The following GPAT4 variants were observed in gnomAD, a reference collection of about 807,000 sequenced individuals.
GPAT4 encodes the protein glycerol-3-phosphate acyltransferase 4.
GPAT4 carries 17 observed loss-of-function variants against 58.0 expected under a neutral mutation model. The ratio of observed to expected loss-of-function variants is 0.29; its 90% CI spans 0.20 to 0.44. The LOEUF is 0.44. Among genes scored for constraint, GPAT4 ranks in the 20% least tolerant of loss-of-function variants. The pLI, the probability that GPAT4 is intolerant of heterozygous loss-of-function variation, is 1.00. For synonymous variants in GPAT4, 204 were observed against 210.1 expected, an observed-to-expected ratio of 0.97 and a Z score of 0.25; for missense variants, 377 against 574.5, an observed-to-expected ratio of 0.66 and a Z score of 3.51.
chr8:41,620,121 G>C (rs1433844084), intron 12 of GPAT4, among the ~76,000 whole-genome samples: 1 of 152,212 alleles, frequency 6.6e-6, no homozygotes, highest in African/African-American at 2.4e-5. Flanking sequence ...CAGAGTGGCT[G>C]CTTTTAAAAT....
intron 9 of GPAT4, 61 bp from the exon 10 acceptor site, chr8:41,614,902 C>T (rs1380087065): frequency 3.3e-5 from 46 of 1,374,052 alleles, no homozygotes; most frequent in South Asian, 2.3e-4. Context: ...CTTTAAGAAA[C>T]GCCTAATATC....
chr8:41,613,502 G>A (rs1803504181), intron 8 of GPAT4, among the ~76,000 whole-genome samples: 1 of 151,934 alleles, frequency 6.6e-6, no homozygotes, highest in Admixed American at 6.6e-5. Context: ...ACTGCTATTT[G>A]AAACCTCAAA....
chr8:41,593,477 G>A (rs547649981), intron 1 of GPAT4, among the ~76,000 whole-genome samples: 3 of 152,312 alleles, frequency 2.0e-5, no homozygotes, highest in African/African-American at 7.2e-5. Flanking sequence ...AAAATTTAAG[G>A]AAAATAAGTC....
chr8:41,594,631 C>T (rs1004074576), intron 1 of GPAT4, among the ~76,000 whole-genome samples: 4 of 150,158 alleles, frequency 2.7e-5, no homozygotes, highest in East Asian at 2.0e-4. Context: ...CTGCAAGCTC[C>T]GCCTCCCGGG....
chr8:41,615,674 C>G (rs1237416330), intron 10 of GPAT4, among the ~76,000 whole-genome samples: 2 of 152,202 alleles, frequency 1.3e-5, no homozygotes, highest in African/African-American at 4.8e-5. Context: ...CGCTCTTACC[C>G]TCTTCACATC....
intron 12 of GPAT4, among the ~76,000 whole-genome samples, chr8:41,619,644 G>T (rs1233810413): frequency 2.5e-4 from 38 of 152,242 alleles, no homozygotes; most frequent in Non-Finnish European, 1.5e-5. Flanking sequence ...AACAGTAGGA[G>T]ACTGACAGGG....
At position 41,599,137 on chromosome 8, in the gene GPAT4, A is replaced by G. The variant is rs2150492275; in HGVS notation, c.-3A>G. Reference sequence around the variant, plus strand: ...GGTGCTGGCCTGGCCTGGATCTTCCACCATGTTCCTGTTGCTGCCTTTTGA... The same window carrying G: ...GGTGCTGGCCTGGCCTGGATCTTCCGCCATGTTCCTGTTGCTGCCTTTTGA... On this transcript the variant is annotated 5_prime_UTR_variant, in exon 2 of 13. Coordinates refer to ENST00000396987, the MANE Select transcript of GPAT4 (RefSeq NM_178819.4). 6.2e-7 allele frequency: 1 copy of G among 1,610,472 alleles called. No homozygotes were observed. Among genetic ancestry groups the G allele is most frequent in the African/African-American group, 1.3e-5 (1 of 74,630 alleles).
chr8:41,584,047 C>T (rs1802591725), intron 1 of GPAT4, among the ~76,000 whole-genome samples: 1 of 152,162 alleles, frequency 6.6e-6, no homozygotes, highest in Non-Finnish European at 1.5e-5. Flanking sequence ...CAGGAATGCA[C>T]CACCACGCCC....
chr8:41,605,206 C>T lies in GPAT4; in HGVS notation c.166-4210C>T, dbSNP rs563705938. On this transcript the variant is annotated intron_variant, in intron 2 of 12. Coordinates refer to ENST00000396987, the MANE Select transcript of GPAT4 (RefSeq NM_178819.4). ...GCTGAAATGCACATAGGGGTAAGTT[C>T]TGGCTGCCGCCTCTTGAGGTTTGTG... Among the ~76,000 whole-genome samples, 100 of 152,338 alleles carry T rather than the reference C, an allele frequency of 6.6e-4. 1 individual carries two copies. Among genetic ancestry groups the T allele is most frequent in the African/African-American group, 2.2e-3 (93 of 41,568 alleles).
At chr8:41,612,544 G>A (rs557436442) in intron 7 of GPAT4, among the ~76,000 whole-genome samples, 12 of 152,324 alleles carry the variant, frequency 7.9e-5, no homozygotes, top group African/African-American at 2.6e-4. Context: ...GGGCATCTGA[G>A]AATCTGCCCA....
At chr8:41,583,590 T>G (rs1308256100) in intron 1 of GPAT4, among the ~76,000 whole-genome samples, 5 of 152,250 alleles carry the variant, frequency 3.3e-5, no homozygotes, top group African/African-American at 1.2e-4. Context: ...ACATGCATTT[T>G]TTTCATGCTA....
chr8:41,613,631 C>A (rs1803507489), intron 8 of GPAT4, among the ~76,000 whole-genome samples: 1 of 152,114 alleles, frequency 6.6e-6, no homozygotes, highest in Non-Finnish European at 1.5e-5. Flanking sequence ...TTGCAGCAGA[C>A]AGAGACATCA....
intron 1 of GPAT4, among the ~76,000 whole-genome samples, chr8:41,584,305 G>A (rs1376809821): frequency 6.6e-6 from 1 of 152,178 alleles, no homozygotes; most frequent in Non-Finnish European, 1.5e-5. Context: ...TTTGGAATTT[G>A]TCATTCCACT....
chr8:41,591,370 A>G (rs183014226), intron 1 of GPAT4, among the ~76,000 whole-genome samples: 4 of 152,278 alleles, frequency 2.6e-5, no homozygotes, highest in Admixed American at 6.5e-5. Flanking sequence ...TGGGCATAAG[A>G]CAGTATGAAG....
intron 1 of GPAT4, among the ~76,000 whole-genome samples, chr8:41,589,297 C>T (rs1802730420): frequency 7.6e-6 from 1 of 132,134 alleles, no homozygotes; most frequent in South Asian, 2.5e-4. Flanking sequence ...CTTGTTAGGC[C>T]AGTTTGGTGT....
At chr8:41,579,717 A>G (rs1318305514) in intron 1 of GPAT4, among the ~76,000 whole-genome samples, 1 of 152,100 alleles carries the variant, frequency 6.6e-6, no homozygotes, top group East Asian at 1.9e-4. Flanking sequence ...AAGTACTTGT[A>G]TTCCCAGCTA....
chr8:41,579,294 A>G (rs1802448817), intron 1 of GPAT4, among the ~76,000 whole-genome samples: 1 of 152,194 alleles, frequency 6.6e-6, no homozygotes, highest in Non-Finnish European at 1.5e-5. Context: ...CTCCTCAGCC[A>G]CTTAACTGTG....
intron 1 of GPAT4, among the ~76,000 whole-genome samples, chr8:41,596,893 T>C (rs1472575836): frequency 6.6e-6 from 1 of 152,158 alleles, no homozygotes; most frequent in African/African-American, 2.4e-5. Flanking sequence ...GCAATTCCTG[T>C]CCCTTTTAAG....
intron 1 of GPAT4, among the ~76,000 whole-genome samples, chr8:41,580,456 T>A (rs1802482579): frequency 6.6e-6 from 1 of 152,220 alleles, no homozygotes; most frequent in African/African-American, 2.4e-5. Context: ...TACAAAACCA[T>A]AATATGCATT....
Sources: allele counts gnomAD v4.1 joint callset (sites outside exome capture counted in the v4.1 genomes callset), GRCh38; gene constraint gnomAD v4.1.1; transcripts MANE v1.5; gene names NCBI Gene and HGNC (gene_info 2026-07-23, HGNC 2026-07-21).